GRAMD1B: variants seen among roughly 807,000 people sequenced by gnomAD.
The protein encoded by GRAMD1B is GRAM domain containing 1B.
GRAMD1B carries 37 observed loss-of-function variants against 99.7 expected under a neutral mutation model. That is an observed-to-expected ratio of 0.37 (90% CI 0.29 to 0.49). GRAMD1B has a LOEUF of 0.49. GRAMD1B is among the 20% of genes least tolerant of loss of function. The pLI is 0.98. For synonymous variants in GRAMD1B, 427 were observed against 387.6 expected, an observed-to-expected ratio of 1.10 and a Z score of -1.19; for missense variants, 888 against 1,009.2, an observed-to-expected ratio of 0.88 and a Z score of 1.63.
At chr11:123,599,616 G>T (rs1409125353) in intron 7 of GRAMD1B, among the ~76,000 whole-genome samples, 2 of 152,128 alleles carry the variant, frequency 1.3e-5, no homozygotes. Flanking sequence ...GAGATTACAG[G>T]CACTCACCAC....
In GRAMD1B at chr11:123,430,931, C is replaced by G; in HGVS notation, c.139C>G (p.Arg47Gly). 1.4e-6 allele frequency: 1 copy of G among 702,748 alleles called. No homozygotes were observed. The highest frequency in any genetic ancestry group is 2.6e-6 in the Non-Finnish European group (1 of 384,844). 43.5% of individuals were successfully genotyped at this position (702,748 alleles called of 1,614,324 possible). A position where few individuals can be genotyped will look rare whatever the true frequency, so the allele number is the denominator to read the frequency against. The stretch of plus-strand genomic sequence containing the variant: ...TCGCCGCCGGCGCTTCAAGATGCGC[C>G]GCATGAAGAACGTACAGGAGCAGAG... ...TLRRRRFKMR[R>G]MKNVQEQSLE... Residue 47 changes from arginine (R) to glycine (G), a missense_variant, in exon 1 of 20, where the codon CGC becomes GGC. Around this residue, in one of 5 missense-constraint regions of GRAMD1B, gnomAD observed 233 missense variants for 154.6 expected, o/e 1.51. Coordinates refer to ENST00000635736, the MANE Select transcript of GRAMD1B (RefSeq NM_001387025.1).
chr11:123,362,459 G>A (rs1946176645), intron 1 of GRAMD1B, among the ~76,000 whole-genome samples: 1 of 152,208 alleles, frequency 6.6e-6, no homozygotes, highest in African/African-American at 2.4e-5. Flanking sequence ...GCTTGCAACA[G>A]GGTTAATTTG....
At chr11:123,511,438 A>C (rs1470357860) in intron 2 of GRAMD1B, among the ~76,000 whole-genome samples, 1 of 152,014 alleles carries the variant, frequency 6.6e-6, no homozygotes, top group African/African-American at 2.4e-5. Context: ...CGCTCCTGAG[A>C]TAGCTTTCAA....
At chr11:123,526,032 A>C (rs1308190575) in intron 2 of GRAMD1B, 1 of 853,272 alleles carries the variant, frequency 1.2e-6, no homozygotes, top group Non-Finnish European at 2.0e-6. Flanking sequence ...TTCAAGTCAC[A>C]TTACATGGGA....
At chr11:123,509,954 G>A (rs893969375) in intron 2 of GRAMD1B, 41 of 152,418 alleles carry the variant, frequency 2.7e-4, no homozygotes, top group African/African-American at 9.1e-4. Flanking sequence ...GAGGCTGTGA[G>A]TCTCTGGGAG....
At chr11:123,557,481 C>G (rs1359662222) in intron 2 of GRAMD1B, among the ~76,000 whole-genome samples, 1 of 152,184 alleles carries the variant, frequency 6.6e-6, no homozygotes, top group Non-Finnish European at 1.5e-5. Context: ...TCTGTCTCAC[C>G]ACTAGAAAAT....
In GRAMD1B at chr11:123,501,280, C is replaced by T. The variant is rs143716546; in HGVS notation, c.452+20387C>T. ...TTACCTCCTGGGTTCAAGTGATTCT[C>T]ATGCCTCAGCCACCTGAGTGGCTGG... On this transcript the variant is annotated intron_variant, in intron 2 of 19. Transcript: ENST00000635736. 6.0e-3 allele frequency among the ~76,000 whole-genome samples: 916 copies of T among 152,282 alleles called. 8 individuals are homozygous for T. Among genetic ancestry groups the T allele is most frequent in the African/African-American group, 0.021 (886 of 41,562 alleles).
chr11:123,477,359 G>T (rs1020827761), intron 1 of GRAMD1B, among the ~76,000 whole-genome samples: 3 of 144,194 alleles, frequency 2.1e-5, no homozygotes, highest in African/African-American at 7.8e-5. Context: ...GTACTTGAGA[G>T]TGGTAAATGG....
chr11:123,466,466 A>G (rs1950683620), intron 1 of GRAMD1B, among the ~76,000 whole-genome samples: 1 of 146,766 alleles, frequency 6.8e-6, no homozygotes, highest in Non-Finnish European at 1.5e-5. Context: ...GAAAGAAAGA[A>G]AGAAAAGAAA....
At chr11:123,508,786 AG>A (rs903433131) in intron 2 of GRAMD1B, among the ~76,000 whole-genome samples, 2 of 152,104 alleles carry the variant, frequency 1.3e-5, no homozygotes, top group African/African-American at 4.8e-5. Context: ...ACTTGGTTCA[AG>A]TGATTCTCCT....
At chr11:123,601,038 T>C (rs1951888688) in intron 8 of GRAMD1B, among the ~76,000 whole-genome samples, 1 of 151,948 alleles carries the variant, frequency 6.6e-6, no homozygotes, top group Non-Finnish European at 1.5e-5. Context: ...GCTGCAGGTG[T>C]AGGGACTGTC....
At chr11:123,527,249 C>T (rs893200861) in intron 2 of GRAMD1B, among the ~76,000 whole-genome samples, 24 of 152,060 alleles carry the variant, frequency 1.6e-4, no homozygotes, top group Non-Finnish European at 4.4e-5. Context: ...GGGTGTTGAG[C>T]GATTTGAGGC....
chr11:123,450,006 A>G (rs1023152087), intron 1 of GRAMD1B, among the ~76,000 whole-genome samples: 1 of 152,074 alleles, frequency 6.6e-6, no homozygotes, highest in Non-Finnish European at 1.5e-5. Context: ...TACAGGCATG[A>G]GTCACCACAC....
rs1468556328 is a variant in GRAMD1B at position 123,430,574 on chromosome 11, C to T, written c.-219C>T. Reference sequence around the variant, plus strand: ...GTGGCCTCGCCGGCGGCTGACGGCCCGGAGGACGCGCGCTCCGAAAAGTTA... The same window carrying T: ...GTGGCCTCGCCGGCGGCTGACGGCCTGGAGGACGCGCGCTCCGAAAAGTTA... On this transcript the variant is annotated 5_prime_UTR_variant, in exon 1 of 20. Coordinates refer to ENST00000635736, the MANE Select transcript of GRAMD1B (RefSeq NM_001387025.1). 7 of 455,878 alleles carry T rather than the reference C, an allele frequency of 1.5e-5. No homozygotes were observed. The highest frequency in any genetic ancestry group is 2.3e-5 in the Non-Finnish European group (6 of 259,728). 28.2% of individuals were successfully genotyped at this position (455,878 alleles called of 1,614,324 possible). A position where few individuals can be genotyped will look rare whatever the true frequency, so the allele number is the denominator to read the frequency against.
intron 2 of GRAMD1B, chr11:123,525,789 GC>G (rs1316587637): frequency 1.0e-5 from 3 of 295,524 alleles, no homozygotes; most frequent in Non-Finnish European, 1.9e-5. Flanking sequence ...GGCCAGCCTG[GC>G]TGTTGACGGC....
At chr11:123,366,646 G>C (rs1353065633) in intron 1 of GRAMD1B, among the ~76,000 whole-genome samples, 2 of 152,206 alleles carry the variant, frequency 1.3e-5, no homozygotes, top group Non-Finnish European at 2.9e-5. Flanking sequence ...ATAGGAGAAA[G>C]AAGAACACAG....
intron 18 of GRAMD1B, 83 bp downstream of exon 18, chr11:123,618,883 CT>C: frequency 1.3e-6 from 1 of 778,336 alleles, no homozygotes; most frequent in South Asian, 1.5e-5. Flanking sequence ...TTGGGACTGC[CT>C]CACTGCCCTT....
chr11:123,586,730 G>A (rs192748684), intron 4 of GRAMD1B, among the ~76,000 whole-genome samples: 112 of 152,338 alleles, frequency 7.4e-4, no homozygotes, highest in African/African-American at 2.7e-3. Context: ...GGTTTTCTGT[G>A]TTCCTTCAGG....
intron 2 of GRAMD1B, among the ~76,000 whole-genome samples, chr11:123,495,114 T>C (rs201954180): frequency 3.4e-5 from 5 of 148,546 alleles, no homozygotes; most frequent in African/African-American, 7.5e-5. Context: ...TATATATACA[T>C]ACACACACAC....
Sources: allele counts gnomAD v4.1 joint callset (sites outside exome capture counted in the v4.1 genomes callset), GRCh38; gene constraint gnomAD v4.1.1; regional missense constraint gnomAD v4.1.1; transcripts MANE v1.5; gene names NCBI Gene and HGNC (gene_info 2026-07-23, HGNC 2026-07-21).